Variants in FLRT2 observed in about 807,000 individuals in gnomAD.
FLRT2 encodes leucine-rich repeat transmembrane protein FLRT2.
Under a neutral mutation model 40.0 loss-of-function variants are expected in FLRT2, and 15 were observed. The observed-to-expected ratio is 0.38, with a 90% CI of 0.25 to 0.58. The LOEUF (loss-of-function observed/expected upper bound fraction) is 0.58, where lower values mean the gene tolerates loss of function less well. FLRT2 is among the 20% of genes least tolerant of loss of function. FLRT2 has a pLI of 0.71. For synonymous variants in FLRT2, 380 were observed against 336.8 expected (o/e 1.13, Z -1.41); for missense variants, 726 against 840.0 (o/e 0.86, Z 1.68).
intron 1 of FLRT2, among the ~76,000 whole-genome samples, chr14:85,568,804 A>AC (rs1890755273): frequency 6.6e-6 from 1 of 152,150 alleles, no homozygotes; most frequent in African/African-American, 2.4e-5. Context: ...CAGTTTTACT[A>AC]CGTGTAACCT....
chr14:85,612,167 A>G lies in FLRT2; in HGVS notation c.-376-8972A>G, dbSNP rs143464287. On this transcript the variant is annotated intron_variant, in intron 1 of 1. Coordinates refer to ENST00000330753, the MANE Select transcript of FLRT2 (RefSeq NM_013231.6). ...AAAAAAGAAAAAAAAAAACACAGTT[A>G]AGTGGTTGAAATTGATTAGCACTAC... 1.6e-4 allele frequency among the ~76,000 whole-genome samples: 24 copies of G among 151,910 alleles called. No homozygotes were observed. The East Asian group carries it at 4.4e-3, about 28-fold the overall frequency.
chr14:85,576,671 T>C (rs555937072), intron 1 of FLRT2, among the ~76,000 whole-genome samples: 68 of 152,368 alleles, frequency 4.5e-4, no homozygotes, highest in South Asian at 1.9e-3. Flanking sequence ...AGGGGTAAGT[T>C]AACAAGCTGT....
At chr14:85,574,493 A>G (rs1891036254) in intron 1 of FLRT2, among the ~76,000 whole-genome samples, 1 of 152,198 alleles carries the variant, frequency 6.6e-6, no homozygotes, top group Admixed American at 6.5e-5. Context: ...GAGGGTTTGT[A>G]GAGGCTTTGG....
intron 1 of FLRT2, among the ~76,000 whole-genome samples, chr14:85,557,233 AAC>A (rs1890024705): frequency 6.7e-6 from 1 of 149,896 alleles, no homozygotes; most frequent in Non-Finnish European, 1.5e-5. Context: ...AAGCTTAAAA[AAC>A]ATGACTAATT....
Position 85,637,720 on chromosome 14 carries a change from G to T in FLRT2, c.*14223G>T, listed in dbSNP as rs1894043625. The T allele has an allele frequency of 6.6e-6, 1 of 152,146 alleles. No individual in the cohort carries two copies. Among genetic ancestry groups the T allele is most frequent in the Non-Finnish European group, 1.5e-5 (1 of 68,036 alleles). The allele number at this position is 152,146 out of a possible 1,614,324, so 9.4% of individuals were successfully genotyped here. A position where few individuals can be genotyped will look rare whatever the true frequency, so the allele number is the denominator to read the frequency against. On this transcript the variant is annotated 3_prime_UTR_variant, in exon 2 of 2. Coordinates refer to ENST00000330753, the MANE Select transcript of FLRT2 (RefSeq NM_013231.6). ...CATTCCTGCCATATTCCTTGGGTAG[G>T]CTCATCTATCACTTGTCTTAAAGGA...
intron 1 of FLRT2, among the ~76,000 whole-genome samples, chr14:85,550,263 T>A (rs1034107868): frequency 6.6e-6 from 1 of 152,156 alleles, no homozygotes; most frequent in Admixed American, 6.5e-5. Context: ...ATGGGGACAG[T>A]GCTGTGAGTG....
intron 1 of FLRT2, among the ~76,000 whole-genome samples, chr14:85,580,480 C>T (rs1052357718): frequency 6.6e-6 from 1 of 151,966 alleles, no homozygotes; most frequent in African/African-American, 2.4e-5. Context: ...ATGATGGCAT[C>T]GAGGCAATTT....
chr14:85,604,198 T>A (rs1435423456), intron 1 of FLRT2, among the ~76,000 whole-genome samples: 2 of 152,124 alleles, frequency 1.3e-5, no homozygotes. Flanking sequence ...TATAATCTGC[T>A]TTGTCTCCTT....
chr14:85,637,116 A>T lies in FLRT2; in HGVS notation c.*13619A>T, dbSNP rs1894028437. On this transcript the variant is annotated 3_prime_UTR_variant, in exon 2 of 2. Transcript: ENST00000330753. Reference sequence around the variant, plus strand: ...GGAGATAAATGTAAACACATTTTACACATACAAATCTTTTCTGGCATGGGT... The same window carrying T: ...GGAGATAAATGTAAACACATTTTACTCATACAAATCTTTTCTGGCATGGGT... The T allele has an allele frequency of 6.6e-6, 1 of 152,198 alleles. No individual in the cohort carries two copies. Among genetic ancestry groups the T allele is most frequent in the Non-Finnish European group, 1.5e-5 (1 of 68,040 alleles). The allele number at this position is 152,198 out of a possible 1,614,324, so 9.4% of individuals were successfully genotyped here. A position where few individuals can be genotyped will look rare whatever the true frequency, so the allele number is the denominator to read the frequency against.
chr14:85,598,084 C>G (rs1193508106), intron 1 of FLRT2, among the ~76,000 whole-genome samples: 1 of 152,204 alleles, frequency 6.6e-6, no homozygotes, highest in Non-Finnish European at 1.5e-5. Context: ...TCAATCTAGT[C>G]ACTTCATATA....
chr14:85,597,783 G>A (rs1280030439), intron 1 of FLRT2, among the ~76,000 whole-genome samples: 1 of 152,204 alleles, frequency 6.6e-6, no homozygotes, highest in Non-Finnish European at 1.5e-5. Flanking sequence ...AGTCCAGTCT[G>A]TTCAGAGACA....
chr14:85,639,989 C>CA lies in FLRT2; in HGVS notation c.*16493dup, dbSNP rs1249178353. 1 of 152,074 alleles carries CA rather than the reference C, an allele frequency of 6.6e-6. No homozygotes were observed. Among genetic ancestry groups the CA allele is most frequent in the Admixed American group, 6.6e-5 (1 of 15,248 alleles). The allele number at this position is 152,074 out of a possible 1,614,324, so 9.4% of individuals were successfully genotyped here. A position where few individuals can be genotyped will look rare whatever the true frequency, so the allele number is the denominator to read the frequency against. On this transcript the variant is annotated 3_prime_UTR_variant, in exon 2 of 2. Coordinates refer to ENST00000330753, the MANE Select transcript of FLRT2 (RefSeq NM_013231.6). ...TCAGTCTCCCGAGTAGCTGGGACTA[C>CA]AGGCTCCTGCCACCACGCCTGGCTA...
rs199688469 is a variant in FLRT2, at chr14:85,560,530, G to A, written c.-377+29996G>A. The stretch of plus-strand genomic sequence containing the variant: ...CGGGAGGCGGAGGTTGCAGTGAGCC[G>A]AGATCGCACCACTGCACTCCAGCCT... On this transcript the variant is annotated intron_variant, in intron 1 of 1. Transcript: ENST00000330753. 1.4e-3 allele frequency among the ~76,000 whole-genome samples: 214 copies of A among 151,972 alleles called. 1 individual carries two copies. The highest frequency in any genetic ancestry group is 9.5e-3 in the East Asian group (49 of 5,168).
intron 1 of FLRT2, among the ~76,000 whole-genome samples, chr14:85,580,750 G>GA (rs11443205): frequency 0.84 from 127,408 of 152,108 alleles, 53,755 homozygotes; most frequent in African/African-American, 0.92. Flanking sequence ...TGTAGAGCAA[G>GA]CGTTCCTGTG....
intron 1 of FLRT2, among the ~76,000 whole-genome samples, chr14:85,563,672 G>T (rs1196270065): frequency 6.6e-6 from 1 of 152,072 alleles, no homozygotes; most frequent in Non-Finnish European, 1.5e-5. Context: ...CTCCTTCCAG[G>T]CCCCTTCTCC....
At chr14:85,612,769 C>T (rs915155830) in intron 1 of FLRT2, among the ~76,000 whole-genome samples, 1 of 152,132 alleles carries the variant, frequency 6.6e-6, no homozygotes, top group Non-Finnish European at 1.5e-5. Flanking sequence ...ACATTCAGAG[C>T]CATCTCTATG....
chr14:85,540,282 A>G (rs146427560), intron 1 of FLRT2, among the ~76,000 whole-genome samples: 2 of 152,308 alleles, frequency 1.3e-5, no homozygotes, highest in African/African-American at 2.4e-5. Context: ...CAGTGAATAG[A>G]AAGACAATTT....
At position 85,637,807 on chromosome 14, in the gene FLRT2, G is replaced by A. The variant is rs1431673068; in HGVS notation, c.*14310G>A. On this transcript the variant is annotated 3_prime_UTR_variant, in exon 2 of 2. Transcript: ENST00000330753. The stretch of plus-strand genomic sequence containing the variant: ...GGATGTCTCTGAAAAAGCTGGCAGG[G>A]CACACACTCTTGCAAATTTTTCATG... The A allele has an allele frequency of 6.6e-6, 1 of 152,100 alleles. No individual in the cohort carries two copies. Among genetic ancestry groups the A allele is most frequent in the African/African-American group, 2.4e-5 (1 of 41,396 alleles). 9.4% of individuals were successfully genotyped at this position (152,100 alleles called of 1,614,324 possible). A position where few individuals can be genotyped will look rare whatever the true frequency, so the allele number is the denominator to read the frequency against.
chr14:85,587,182 AC>A (rs1352501422), intron 1 of FLRT2, among the ~76,000 whole-genome samples: 1 of 151,884 alleles, frequency 6.6e-6, no homozygotes, highest in Non-Finnish European at 1.5e-5. Flanking sequence ...CTACACACAT[AC>A]ACACACCAGC....
Sources: allele counts gnomAD v4.1 joint callset (sites outside exome capture counted in the v4.1 genomes callset), GRCh38; gene constraint gnomAD v4.1.1; transcripts MANE v1.5; gene names NCBI Gene and HGNC (gene_info 2026-07-23, HGNC 2026-07-21).